TBL1XR1: variants seen among roughly 807,000 people sequenced by gnomAD.
The protein encoded by TBL1XR1 is TBL1X/Y related 1.
Under a neutral mutation model 66.9 loss-of-function variants are expected in TBL1XR1, and 5 were observed. That is an observed-to-expected ratio of 0.07 (90% CI 0.04 to 0.16). The LOEUF (loss-of-function observed/expected upper bound fraction) is 0.16. Ranked by LOEUF, TBL1XR1 falls within the 10% of genes least tolerant of loss-of-function variation. TBL1XR1 has a pLI of 1.00. For synonymous variants in TBL1XR1, 210 were observed against 206.0 expected, an observed-to-expected ratio of 1.02 and a Z score of -0.17; for missense variants, 238 against 623.2, an observed-to-expected ratio of 0.38 and a Z score of 6.58.
chr3:177,074,124 A>G (rs1027194817), intron 2 of TBL1XR1, among the ~76,000 whole-genome samples: 1 of 152,190 alleles, frequency 6.6e-6, no homozygotes, highest in African/African-American at 2.4e-5. Context: ...AAAAAATCTG[A>G]AATTCTTTAT....
intron 2 of TBL1XR1, among the ~76,000 whole-genome samples, chr3:177,090,547 G>A (rs1243913814): frequency 6.6e-6 from 1 of 150,442 alleles, no homozygotes; most frequent in Non-Finnish European, 1.5e-5. Flanking sequence ...AATCAGCTGG[G>A]TGCAGTGGCT....
At chr3:177,038,896 G>T (rs981387182) in intron 10 of TBL1XR1, among the ~76,000 whole-genome samples, 2 of 152,068 alleles carry the variant, frequency 1.3e-5, no homozygotes, top group Non-Finnish European at 2.9e-5. Context: ...TAACATGCAA[G>T]TGTTACCCTC....
At chr3:177,140,404 C>CA (rs1729502187) in intron 1 of TBL1XR1, among the ~76,000 whole-genome samples, 1 of 152,226 alleles carries the variant, frequency 6.6e-6, no homozygotes. Flanking sequence ...GCCTTTGCTA[C>CA]AAGCAGTCTC....
intron 3 of TBL1XR1, 141 bp downstream of exon 3, chr3:177,064,779 T>C (rs77922354): frequency 0.019 from 11,867 of 627,972 alleles, 324 homozygotes; most frequent in South Asian, 0.084. Flanking sequence ...CAGTAAAACA[T>C]AGCTTTAAAA....
intron 7 of TBL1XR1, among the ~76,000 whole-genome samples, chr3:177,048,296 T>A (rs924404670): frequency 1.3e-5 from 2 of 152,190 alleles, no homozygotes; most frequent in African/African-American, 4.8e-5. Context: ...ACCTACTCTA[T>A]GCAAACACAG....
intron 1 of TBL1XR1, among the ~76,000 whole-genome samples, chr3:177,129,210 C>T (rs1342542435): frequency 6.6e-6 from 1 of 152,022 alleles, no homozygotes; most frequent in East Asian, 1.9e-4. Flanking sequence ...CTATCATATG[C>T]AAAATCAAAA....
chr3:177,034,325 T>C lies in TBL1XR1; in HGVS notation c.1123A>G (p.Ile375Val), dbSNP rs1714452951. ...CAATTGTCTTGTTTCATACTCCATA[T>C]CTAAACAAAAAAGAAAAATGTATAC... Reference protein sequence around the residue: ...ASCSDDMTLKIWSMKQDNCVH... With the variant: ...ASCSDDMTLKVWSMKQDNCVH... The change falls in exon 13 of 16, where the codon ATA (isoleucine) becomes GTA (valine). Residue 375 changes from isoleucine to valine, a missense_variant and splice_region_variant. Ile to Val is a conservative substitution (Grantham distance 29, BLOSUM62 3). Coordinates refer to ENST00000457928, the MANE Select transcript of TBL1XR1 (RefSeq NM_024665.7). 1.2e-5 allele frequency: 19 copies of C among 1,539,028 alleles called. No individual in the cohort carries two copies. The highest frequency in any genetic ancestry group is 1.6e-5 in the Non-Finnish European group (19 of 1,151,612).
intron 2 of TBL1XR1, among the ~76,000 whole-genome samples, chr3:177,089,791 TAAG>T (rs1330942182): frequency 6.6e-6 from 1 of 152,120 alleles, no homozygotes; most frequent in Non-Finnish European, 1.5e-5. Context: ...TTCTGGAAAA[TAAG>T]AATCTATCTG....
intron 1 of TBL1XR1, among the ~76,000 whole-genome samples, chr3:177,169,615 A>G (rs1422201460): frequency 6.6e-6 from 1 of 152,250 alleles, no homozygotes; most frequent in African/African-American, 2.4e-5. Flanking sequence ...AATGACAAAG[A>G]CTTCCAGTAA....
At chr3:177,107,867 C>T (rs1016233979) in intron 1 of TBL1XR1, among the ~76,000 whole-genome samples, 76 of 152,154 alleles carry the variant, frequency 5.0e-4, no homozygotes, top group Non-Finnish European at 2.2e-4. Flanking sequence ...ACGCAATGGT[C>T]TAAGGCAAAC....
chr3:177,134,945 C>CTGTGTGTGTGTGTGTGTG (rs10662042), intron 1 of TBL1XR1, among the ~76,000 whole-genome samples: 7,632 of 128,892 alleles, frequency 0.059, 315 homozygotes, highest in African/African-American at 0.084. Context: ...CACTGCAAGG[C>CTGTGTGTGTGTGTGTGTG]TGTGTGTGTG....
At chr3:177,190,199 C>T (rs914196254) in intron 1 of TBL1XR1, among the ~76,000 whole-genome samples, 2 of 149,508 alleles carry the variant, frequency 1.3e-5, no homozygotes, top group African/African-American at 4.9e-5. Flanking sequence ...ACCTAACTAC[C>T]TGACACATAT....
At chr3:177,149,020 AAAG>A (rs1730576746) in intron 1 of TBL1XR1, among the ~76,000 whole-genome samples, 1 of 151,948 alleles carries the variant, frequency 6.6e-6, no homozygotes, top group South Asian at 2.1e-4. Context: ...AAAGAAAAGA[AAAG>A]AAAAGAAAAA....
intron 1 of TBL1XR1, among the ~76,000 whole-genome samples, chr3:177,184,529 C>T (rs1009043931): frequency 6.6e-6 from 1 of 152,012 alleles, no homozygotes; most frequent in Non-Finnish European, 1.5e-5. Context: ...TGGCCAGGTG[C>T]GGTGGCTCAC....
intron 14 of TBL1XR1, among the ~76,000 whole-genome samples, chr3:177,029,170 A>T (rs1713584647): frequency 6.6e-6 from 1 of 152,030 alleles, no homozygotes; most frequent in South Asian, 2.1e-4. Flanking sequence ...GCACAGTGGC[A>T]TGTGCCTGTA....
In TBL1XR1 at chr3:177,197,315, GC is replaced by G. The variant is rs1438427358; in HGVS notation, c.-317del. ...CGGGCGGGCGGGGGCGGGGAGCGCG[GC>G]GCGGGTCCCCAGGTGGCGAGCGGAG... On this transcript the variant is annotated 5_prime_UTR_variant, in exon 1 of 16. Coordinates refer to ENST00000457928, the MANE Select transcript of TBL1XR1 (RefSeq NM_024665.7). The G allele has an allele frequency of 6.8e-6, 1 of 147,842 alleles. No homozygotes were observed. Among genetic ancestry groups the G allele is most frequent in the African/African-American group, 2.5e-5 (1 of 40,564 alleles). 9.2% of individuals were successfully genotyped at this position (147,842 alleles called of 1,614,324 possible). A position where few individuals can be genotyped will look rare whatever the true frequency, so the allele number is the denominator to read the frequency against.
At chr3:177,176,789 T>C (rs1734209787) in intron 1 of TBL1XR1, among the ~76,000 whole-genome samples, 1 of 152,094 alleles carries the variant, frequency 6.6e-6, no homozygotes, top group Admixed American at 6.5e-5. Flanking sequence ...CACTCCAGCC[T>C]GGGCAGAAGA....
At chr3:177,178,607 G>A (rs1422252389) in intron 1 of TBL1XR1, among the ~76,000 whole-genome samples, 1 of 152,168 alleles carries the variant, frequency 6.6e-6, no homozygotes, top group African/African-American at 2.4e-5. Context: ...AGCACTTTGG[G>A]ATGCCCAGGC....
At chr3:177,059,301 T>C (rs1161898928) in intron 3 of TBL1XR1, among the ~76,000 whole-genome samples, 1 of 152,170 alleles carries the variant, frequency 6.6e-6, no homozygotes, top group African/African-American at 2.4e-5. Context: ...ACAAAGAAAC[T>C]GCACTGTAAT....
Sources: allele counts gnomAD v4.1 joint callset (sites outside exome capture counted in the v4.1 genomes callset), GRCh38; gene constraint gnomAD v4.1.1; transcripts MANE v1.5; gene names NCBI Gene and HGNC (gene_info 2026-07-23, HGNC 2026-07-21).